TRMT9B: variants seen among roughly 807,000 people sequenced by gnomAD.
The protein encoded by TRMT9B is tRNA methyltransferase 9B (putative).
Under a neutral mutation model 11.5 loss-of-function variants are expected in TRMT9B, and 16 were observed. That is an observed-to-expected ratio of 1.39 (90% CI 0.94 to 2.11). The LOEUF (loss-of-function observed/expected upper bound fraction) is 2.11. TRMT9B is among the 30% of genes most tolerant of loss of function. The pLI is 0.00. For synonymous variants in TRMT9B, 274 were observed against 192.4 expected (o/e 1.42, Z -3.51); for missense variants, 941 against 553.8 (o/e 1.70, Z -7.02).
At position 13,022,065 on chromosome 8, in the gene TRMT9B, C is replaced by G. The variant is rs769191574; in HGVS notation, c.*21C>G. ...ATTGATTGGATCCTTTTAGACAACTCCTCCAAAAGATGAACCACATTCTTT... is the reference window on the plus strand; with the variant it reads ...ATTGATTGGATCCTTTTAGACAACTGCTCCAAAAGATGAACCACATTCTTT... On this transcript the variant is annotated 3_prime_UTR_variant, in exon 5 of 5. Transcript: ENST00000524591. 4 of 1,488,668 alleles carry G rather than the reference C, an allele frequency of 2.7e-6. No homozygotes were observed. Among genetic ancestry groups the G allele is most frequent in the Non-Finnish European group, 3.6e-6 (4 of 1,106,532 alleles). The allele number at this position is 1,488,668 out of a possible 1,614,324, so 92.2% of individuals were successfully genotyped here.
intron 1 of TRMT9B, among the ~76,000 whole-genome samples, chr8:12,960,791 G>T (rs975737655): frequency 8.5e-5 from 13 of 152,160 alleles, no homozygotes; most frequent in Admixed American, 5.2e-4. Context: ...ATCAGTGGTT[G>T]CCATGGGTCG....
At chr8:12,985,419 G>A (rs1156949422) in intron 1 of TRMT9B, among the ~76,000 whole-genome samples, 1 of 152,100 alleles carries the variant, frequency 6.6e-6, no homozygotes, top group Non-Finnish European at 1.5e-5. Flanking sequence ...TGTTTTACTG[G>A]CTCATTATTC....
chr8:13,008,796 T>A (rs1810989835), intron 3 of TRMT9B, among the ~76,000 whole-genome samples: 1 of 152,192 alleles, frequency 6.6e-6, no homozygotes, highest in Non-Finnish European at 1.5e-5. Context: ...GGGCGCCATC[T>A]CGGCTCACTG....
At chr8:13,011,146 C>T (rs1403585623) in intron 3 of TRMT9B, 1 of 330,190 alleles carries the variant, frequency 3.0e-6, no homozygotes, top group African/African-American at 2.2e-5. Flanking sequence ...GCCACCACAC[C>T]CAGCTAATTT....
At chr8:13,001,864 C>G (rs2128886663) in intron 2 of TRMT9B, among the ~76,000 whole-genome samples, 1 of 152,268 alleles carries the variant, frequency 6.6e-6, no homozygotes, top group East Asian at 1.9e-4. Context: ...GGAATCCTGG[C>G]TAATCCAAAC....
At chr8:12,966,347 A>AC (rs1802825088) in intron 1 of TRMT9B, among the ~76,000 whole-genome samples, 1 of 152,150 alleles carries the variant, frequency 6.6e-6, no homozygotes, top group East Asian at 1.9e-4. Flanking sequence ...GTGGATGCAG[A>AC]CACTTTGTTA....
intron 1 of TRMT9B, among the ~76,000 whole-genome samples, chr8:12,982,985 C>T (rs888675223): frequency 1.3e-4 from 20 of 152,208 alleles, no homozygotes; most frequent in African/African-American, 4.8e-4. Flanking sequence ...GGCATGTGTT[C>T]AGGCACCAAC....
At chr8:12,955,508 C>T (rs926502720) in intron 1 of TRMT9B, among the ~76,000 whole-genome samples, 18 of 152,086 alleles carry the variant, frequency 1.2e-4, no homozygotes, top group African/African-American at 4.3e-4. Flanking sequence ...AACCCTAAGC[C>T]GTAAAGGGTT....
intron 4 of TRMT9B, among the ~76,000 whole-genome samples, chr8:13,018,726 A>G (rs546947916): frequency 2.5e-4 from 38 of 152,276 alleles, no homozygotes; most frequent in African/African-American, 9.1e-4. Flanking sequence ...TTTCTGTTTA[A>G]AGACAGTTTA....
chr8:12,998,172 T>A (rs1808721016), intron 2 of TRMT9B, among the ~76,000 whole-genome samples: 1 of 152,366 alleles, frequency 6.6e-6, no homozygotes, highest in East Asian at 1.9e-4. Flanking sequence ...CTACGAATAC[T>A]TCTTCACACT....
chr8:13,003,516 G>T (rs1346135494), intron 2 of TRMT9B, among the ~76,000 whole-genome samples: 1 of 152,020 alleles, frequency 6.6e-6, no homozygotes, highest in Admixed American at 6.6e-5. Context: ...TCAGGCCCCT[G>T]GATGAGAGGG....
rs1237674769 is a variant in TRMT9B at position 13,027,350 on chromosome 8, G to C, written c.*5306G>C. ...AAACAACAAACAACCCTCCCTTAGA[G>C]AATCATGATGCATATTAGCATATTT... On this transcript the variant is annotated 3_prime_UTR_variant, in exon 5 of 5. Coordinates refer to ENST00000524591, the MANE Select transcript of TRMT9B (RefSeq NM_020844.3). The C allele has an allele frequency of 6.0e-6, 1 of 166,970 alleles. No individual in the cohort carries two copies. Among genetic ancestry groups the C allele is most frequent in the Non-Finnish European group, 1.5e-5 (1 of 68,110 alleles). The allele number at this position is 166,970 out of a possible 1,614,324, so 10.3% of individuals were successfully genotyped here. A position where few individuals can be genotyped will look rare whatever the true frequency, so the allele number is the denominator to read the frequency against.
At chr8:13,010,251 T>G (rs1323138079) in intron 3 of TRMT9B, 3 of 884,008 alleles carry the variant, frequency 3.4e-6, no homozygotes, top group Non-Finnish European at 2.7e-6. Context: ...AATTTTGTAC[T>G]ATATACATTT....
chr8:13,000,541 C>T (rs1229071499), intron 2 of TRMT9B, among the ~76,000 whole-genome samples: 1 of 152,174 alleles, frequency 6.6e-6, no homozygotes, highest in Non-Finnish European at 1.5e-5. Flanking sequence ...CTCTTCTGTG[C>T]CTACATCAAC....
At chr8:13,016,234 A>AT (rs138277755) in intron 4 of TRMT9B, among the ~76,000 whole-genome samples, 4,835 of 113,768 alleles carry the variant, frequency 0.042, 679 homozygotes, top group African/African-American at 0.15. Context: ...TGAAATATAT[A>AT]TTATATATAA....
intron 1 of TRMT9B, among the ~76,000 whole-genome samples, chr8:12,946,538 C>G (rs941047173): frequency 2.0e-5 from 3 of 152,090 alleles, no homozygotes; most frequent in African/African-American, 7.2e-5. Flanking sequence ...GGCGAAGGAC[C>G]TCAGGTTCGA....
Position 12,991,027 on chromosome 8 carries a change from C to T in TRMT9B, c.-6C>T. 1 of 1,253,386 alleles carries T rather than the reference C, an allele frequency of 8.0e-7. No homozygotes were observed. Among genetic ancestry groups the T allele is most frequent in the South Asian group, 1.4e-5 (1 of 73,402 alleles). 77.6% of individuals were successfully genotyped at this position (1,253,386 alleles called of 1,614,324 possible). A position where few individuals can be genotyped will look rare whatever the true frequency, so the allele number is the denominator to read the frequency against. On this transcript the variant is annotated 5_prime_UTR_variant, in exon 2 of 5. Coordinates refer to ENST00000524591, the MANE Select transcript of TRMT9B (RefSeq NM_020844.3). Reference sequence around the variant, plus strand: ...TAATTTTCCTGTAATCACAGGATGACTCAGGTTAGTAGCTTTCAGCGCTTC... The same window carrying T: ...TAATTTTCCTGTAATCACAGGATGATTCAGGTTAGTAGCTTTCAGCGCTTC...
chr8:12,982,192 T>G (rs531443844), intron 1 of TRMT9B, among the ~76,000 whole-genome samples: 95 of 152,312 alleles, frequency 6.2e-4, no homozygotes, highest in Admixed American at 1.1e-3. Context: ...CTGTGCAATC[T>G]GCAAGAGTGG....
intron 4 of TRMT9B, among the ~76,000 whole-genome samples, chr8:13,017,172 A>T (rs1030053896): frequency 6.6e-6 from 1 of 152,018 alleles, no homozygotes; most frequent in Admixed American, 6.6e-5. Flanking sequence ...ACTGATGTTT[A>T]AAAAAAATCT....
Sources: allele counts gnomAD v4.1 joint callset (sites outside exome capture counted in the v4.1 genomes callset), GRCh38; gene constraint gnomAD v4.1.1; transcripts MANE v1.5; gene names NCBI Gene and HGNC (gene_info 2026-07-23, HGNC 2026-07-21).